The following DIAPH2 variants were observed in gnomAD, a reference collection of about 807,000 sequenced individuals.
DIAPH2 encodes protein diaphanous homolog 2.
Under a neutral mutation model 92.7 loss-of-function variants are expected in DIAPH2, and 35 were observed. The ratio of observed to expected loss-of-function variants is 0.38; its 90% confidence interval spans 0.29 to 0.50. The LOEUF (loss-of-function observed/expected upper bound fraction) is 0.50. Ranked by LOEUF, DIAPH2 falls within the 20% of genes least tolerant of loss-of-function variation. The pLI is 0.94. For synonymous variants in DIAPH2, 301 were observed against 280.4 expected (o/e 1.07, Z -0.73); for missense variants, 701 against 819.5 (o/e 0.86, Z 1.77).
At chrX:97,474,717 G>C (rs1244612299) in intron 26 of DIAPH2, among the ~76,000 whole-genome samples, 4 of 108,786 alleles carry the variant, frequency 3.7e-5, no homozygotes, top group Admixed American at 3.0e-4. Context: ...AGTGAGCAGA[G>C]ATCGTGCCAC....
chrX:97,046,476 C>A (rs967973821), intron 17 of DIAPH2, among the ~76,000 whole-genome samples: 1 of 111,420 alleles, frequency 9.0e-6, no homozygotes, highest in African/African-American at 3.3e-5. Flanking sequence ...CATCACCTAA[C>A]AGTTTAGCAA....
intron 24 of DIAPH2, among the ~76,000 whole-genome samples, chrX:97,364,761 T>G (rs2069362783): frequency 3.3e-4 from 2 of 6,010 alleles, no homozygotes; most frequent in Non-Finnish European, 2.7e-3. Flanking sequence ...CTCCTGGTGT[T>G]TTTTTTTTTT....
chrX:96,913,052 A>G (rs1267121585), intron 7 of DIAPH2, among the ~76,000 whole-genome samples: 1 of 110,426 alleles, frequency 9.1e-6, no homozygotes, highest in Non-Finnish European at 1.9e-5. Flanking sequence ...TAACTTCTGT[A>G]GATCTAAATC....
intron 17 of DIAPH2, among the ~76,000 whole-genome samples, chrX:96,968,017 G>A (rs1295673473): frequency 9.1e-6 from 1 of 109,833 alleles, no homozygotes; most frequent in African/African-American, 3.3e-5. Flanking sequence ...CTTACCAACA[G>A]TATATAAGTG....
intron 26 of DIAPH2, among the ~76,000 whole-genome samples, chrX:97,501,681 C>T (rs1426980256): frequency 9.0e-6 from 1 of 111,534 alleles, no homozygotes. Context: ...GATAGAAATT[C>T]TCTTGGGGGA....
At chrX:96,888,590 T>TCTATATATATAC (rs1556283016) in intron 5 of DIAPH2, among the ~76,000 whole-genome samples, 1 of 98,515 alleles carries the variant, frequency 1.0e-5, no homozygotes, top group Non-Finnish European at 2.0e-5. Context: ...TCTATATATA[T>TCTATATATATAC]ACAGATATAT....
At chrX:96,863,503 A>G (rs2065084895) in intron 4 of DIAPH2, among the ~76,000 whole-genome samples, 1 of 110,879 alleles carries the variant, frequency 9.0e-6, no homozygotes, top group South Asian at 3.7e-4. Context: ...TTTAAAGAAG[A>G]GAGTATGTAT....
At chrX:97,468,467 C>T (rs745797881) in intron 26 of DIAPH2, among the ~76,000 whole-genome samples, 1 of 110,876 alleles carries the variant, frequency 9.0e-6, no homozygotes, top group African/African-American at 3.3e-5. Flanking sequence ...TGGCCTTTAC[C>T]GCCCCATTTC....
At chrX:96,729,955 T>A (rs1046639193) in intron 1 of DIAPH2, among the ~76,000 whole-genome samples, 1 of 112,131 alleles carries the variant, frequency 8.9e-6, no homozygotes, top group Admixed American at 9.5e-5. Context: ...TATCTGTAAC[T>A]TCATCTTCTC....
intron 9 of DIAPH2, among the ~76,000 whole-genome samples, chrX:96,929,583 C>T (rs1468155172): frequency 1.8e-5 from 2 of 110,926 alleles, no homozygotes; most frequent in Admixed American, 1.9e-4. Context: ...ACCTTTTAAT[C>T]TCTTCTCCCT....
chrX:97,311,890 CA>C (rs1364173401), intron 23 of DIAPH2, among the ~76,000 whole-genome samples: 2 of 109,729 alleles, frequency 1.8e-5, no homozygotes, highest in Non-Finnish European at 3.8e-5. Flanking sequence ...TGCAGTGGAA[CA>C]ATCTCGGCTC....
chrX:97,493,228 TTTTATTTA>T (rs753338113), intron 26 of DIAPH2, among the ~76,000 whole-genome samples: 41 of 110,173 alleles, frequency 3.7e-4, no homozygotes, highest in African/African-American at 1.3e-3. Flanking sequence ...GTTTGGTTAT[TTTTATTTA>T]TTTATTTATT....
intron 16 of DIAPH2, among the ~76,000 whole-genome samples, chrX:96,962,340 T>C (rs12852504): frequency 0.15 from 5,723 of 39,298 alleles, 541 homozygotes; most frequent in Middle Eastern, 0.32. Context: ...TATATATACA[T>C]ATATATATAT....
intron 26 of DIAPH2, among the ~76,000 whole-genome samples, chrX:97,443,361 A>C (rs2070279146): frequency 8.9e-6 from 1 of 112,489 alleles, no homozygotes; most frequent in Non-Finnish European, 1.9e-5. Context: ...AGATGATACA[A>C]AGTATAAAAA....
intron 4 of DIAPH2, among the ~76,000 whole-genome samples, chrX:96,841,731 C>T (rs1471567979): frequency 1.8e-5 from 2 of 111,960 alleles, no homozygotes; most frequent in African/African-American, 6.5e-5. Flanking sequence ...CATAATTTCC[C>T]AATGCACTGT....
intron 25 of DIAPH2, among the ~76,000 whole-genome samples, chrX:97,403,736 T>G (rs2069780592): frequency 8.9e-6 from 1 of 111,904 alleles, no homozygotes; most frequent in South Asian, 3.8e-4. Context: ...GCTCTCTAGA[T>G]TATCCAGCCC....
In DIAPH2 at chrX:96,841,855, C is replaced by T. The variant is rs184879414; in HGVS notation, c.448-39724C>T. Reference sequence around the variant, plus strand: ...GGGCTGAATCCGAAAAGAGAGTCAGCTAAAGGAGTTAGGGGTGGGGCAGTT... The same window carrying T: ...GGGCTGAATCCGAAAAGAGAGTCAGTTAAAGGAGTTAGGGGTGGGGCAGTT... On this transcript the variant is annotated intron_variant, in intron 4 of 26. Coordinates refer to ENST00000324765, the MANE Select transcript of DIAPH2 (RefSeq NM_006729.5). Among the ~76,000 whole-genome samples, 36 of 111,385 alleles carry T rather than the reference C, an allele frequency of 3.2e-4. No homozygotes were observed. The East Asian group carries it at 9.9e-3, about 31-fold the overall frequency.
At chrX:96,736,418 T>G (rs1184102782) in intron 2 of DIAPH2, among the ~76,000 whole-genome samples, 1 of 110,681 alleles carries the variant, frequency 9.0e-6, no homozygotes, top group East Asian at 2.8e-4. Flanking sequence ...TGAGACAGAG[T>G]CTCGCCCTGT....
At chrX:97,446,858 C>CA (rs1161893607) in intron 26 of DIAPH2, among the ~76,000 whole-genome samples, 8,338 of 65,702 alleles carry the variant, frequency 0.13, 360 homozygotes, top group African/African-American at 0.19. Flanking sequence ...TTAAATGTTG[C>CA]AAAAAAAAAA....
Sources: allele counts gnomAD v4.1 joint callset (sites outside exome capture counted in the v4.1 genomes callset), GRCh38; gene constraint gnomAD v4.1.1; transcripts MANE v1.5; gene names NCBI Gene and HGNC (gene_info 2026-07-23, HGNC 2026-07-21).